PDZRN4: variants seen among roughly 807,000 people sequenced by gnomAD.
PDZRN4 encodes PDZ domain containing ring finger 4.
Under a neutral mutation model 99.0 loss-of-function variants are expected in PDZRN4, and 70 were observed. The ratio of observed to expected loss-of-function variants is 0.71; its 90% CI spans 0.58 to 0.86. The LOEUF is 0.86. Ranked by LOEUF, PDZRN4 falls within the 40% of genes least tolerant of loss-of-function variation. PDZRN4 has a pLI of 0.00. For missense variants in PDZRN4, 1,474 were observed against 1,331.2 expected (o/e 1.11, Z -1.67); for synonymous variants, 551 against 501.6 (o/e 1.10, Z -1.32).
chr12:41,255,362 G>A (rs528720723), intron 3 of PDZRN4, among the ~76,000 whole-genome samples: 8 of 152,296 alleles, frequency 5.3e-5, no homozygotes, highest in Admixed American at 4.6e-4. Context: ...GATCTAAACT[G>A]GGGCTGTTCA....
Position 41,454,744 on chromosome 12 carries a change from T to C in PDZRN4, c.844-51712T>C, listed in dbSNP as rs911051439. 3.3e-5 allele frequency among the ~76,000 whole-genome samples: 5 copies of C among 152,358 alleles called. No individual in the cohort carries two copies. In the South Asian group the frequency reaches 8.3e-4, roughly 25 times the overall value. On this transcript the variant is annotated intron_variant, in intron 3 of 9. Transcript: ENST00000402685. ...ACATTTTCAGCAATATTAGTGATCA[T>C]GTGCTATACAAATACTTGACCAACT...
chr12:41,309,885 G>A (rs1396950777), intron 3 of PDZRN4, among the ~76,000 whole-genome samples: 1 of 151,944 alleles, frequency 6.6e-6, no homozygotes, highest in Non-Finnish European at 1.5e-5. Context: ...GTTGTAGAAA[G>A]AAAAAGCAAG....
chr12:41,423,628 C>A (rs1178727399), intron 3 of PDZRN4, among the ~76,000 whole-genome samples: 1 of 152,138 alleles, frequency 6.6e-6, no homozygotes, highest in Non-Finnish European at 1.5e-5. Flanking sequence ...TGTTGCCCAA[C>A]TTCTGGTGTT....
chr12:41,351,829 TAGG>T (rs1305075245), intron 3 of PDZRN4, among the ~76,000 whole-genome samples: 1 of 151,808 alleles, frequency 6.6e-6, no homozygotes, highest in East Asian at 1.9e-4. Flanking sequence ...TGTATTGAAG[TAGG>T]AGAAGTATTT....
chr12:41,216,241 TA>T (rs1950920145), intron 3 of PDZRN4, among the ~76,000 whole-genome samples: 2 of 151,994 alleles, frequency 1.3e-5, no homozygotes, highest in South Asian at 4.2e-4. Context: ...ATGTTCTTGA[TA>T]ATGTTATATA....
chr12:41,222,185 A>G (rs1323921328), intron 3 of PDZRN4, among the ~76,000 whole-genome samples: 2 of 152,184 alleles, frequency 1.3e-5, no homozygotes, highest in African/African-American at 2.4e-5. Context: ...TTGTGTTTGC[A>G]TCATAGGCCA....
At position 41,246,459 on chromosome 12, in the gene PDZRN4, T is replaced by C. The variant is rs73268787; in HGVS notation, c.843+52271T>C. Among the ~76,000 whole-genome samples, 921 of 152,322 alleles carry C rather than the reference T, an allele frequency of 6.0e-3. 8 individuals are homozygous for C. The highest frequency in any genetic ancestry group is 0.021 in the African/African-American group (870 of 41,572). On this transcript the variant is annotated intron_variant, in intron 3 of 9. Transcript: ENST00000402685. The stretch of plus-strand genomic sequence containing the variant: ...ATTAATCTAAAAATATTCTTCTTGT[T>C]ATTGGGTTCTTTCATGTGCAGAGGA...
chr12:41,515,010 C>T (rs1022659148), intron 5 of PDZRN4, among the ~76,000 whole-genome samples: 3 of 151,930 alleles, frequency 2.0e-5, no homozygotes, highest in African/African-American at 7.3e-5. Flanking sequence ...CACTTGTACC[C>T]CCTTTATTAC....
chr12:41,439,958 G>A (rs1443632191), intron 3 of PDZRN4, among the ~76,000 whole-genome samples: 1 of 152,146 alleles, frequency 6.6e-6, no homozygotes, highest in African/African-American at 2.4e-5. Flanking sequence ...CCAGTGATAG[G>A]CTCATATAAT....
intron 3 of PDZRN4, among the ~76,000 whole-genome samples, chr12:41,275,475 T>A (rs1299852797): frequency 6.6e-6 from 1 of 152,114 alleles, no homozygotes; most frequent in Non-Finnish European, 1.5e-5. Context: ...TTGGCAGGAT[T>A]TTTGCAGTGG....
At chr12:41,342,611 G>A (rs1209536984) in intron 3 of PDZRN4, among the ~76,000 whole-genome samples, 9 of 151,584 alleles carry the variant, frequency 5.9e-5, no homozygotes, top group Admixed American at 5.9e-4. Context: ...TGAAGAAAAT[G>A]TTCAACATAA....
At chr12:41,384,504 G>A (rs960808614) in intron 3 of PDZRN4, among the ~76,000 whole-genome samples, 1 of 152,104 alleles carries the variant, frequency 6.6e-6, no homozygotes, top group East Asian at 1.9e-4. Context: ...ATTTTAAGTT[G>A]TTACAATCAG....
intron 3 of PDZRN4, among the ~76,000 whole-genome samples, chr12:41,323,545 G>A (rs757522320): frequency 2.6e-5 from 4 of 151,908 alleles, no homozygotes; most frequent in Non-Finnish European, 5.9e-5. Flanking sequence ...TTATTGTATT[G>A]TTCAGGCAAA....
At chr12:41,335,515 A>G (rs1951766834) in intron 3 of PDZRN4, among the ~76,000 whole-genome samples, 1 of 152,120 alleles carries the variant, frequency 6.6e-6, no homozygotes. Flanking sequence ...AAACTAATTA[A>G]TGGTGTCAGA....
chr12:41,507,820 A>G (rs1938234270), intron 4 of PDZRN4, among the ~76,000 whole-genome samples: 1 of 152,130 alleles, frequency 6.6e-6, no homozygotes, highest in Non-Finnish European at 1.5e-5. Context: ...TTTGTATCAG[A>G]CACAAATTGG....
chr12:41,227,264 T>A (rs1335513664), intron 3 of PDZRN4, among the ~76,000 whole-genome samples: 1 of 152,160 alleles, frequency 6.6e-6, no homozygotes, highest in Admixed American at 6.6e-5. Context: ...GTTCTGTTTA[T>A]CTTAAATCAA....
chr12:41,451,979 A>AGGAAATTCATAGATT (rs1394970378), intron 3 of PDZRN4, among the ~76,000 whole-genome samples: 2 of 152,224 alleles, frequency 1.3e-5, no homozygotes, highest in Non-Finnish European at 2.9e-5. Context: ...TTCATAGATC[A>AGGAAATTCATAGATT]CAGAAAATTC....
At chr12:41,567,301 G>A (rs544971695) in intron 8 of PDZRN4, among the ~76,000 whole-genome samples, 342 of 152,118 alleles carry the variant, frequency 2.2e-3, no homozygotes, top group Admixed American at 4.1e-3. Context: ...GTTGACATGG[G>A]AGCCCACCTA....
intron 3 of PDZRN4, among the ~76,000 whole-genome samples, chr12:41,464,924 A>C (rs1377162038): frequency 6.7e-6 from 1 of 148,938 alleles, no homozygotes; most frequent in East Asian, 2.0e-4. Flanking sequence ...TCCCAGGTTC[A>C]AGTGATTCTC....
Sources: allele counts gnomAD v4.1 joint callset (sites outside exome capture counted in the v4.1 genomes callset), GRCh38; gene constraint gnomAD v4.1.1; transcripts MANE v1.5; gene names NCBI Gene and HGNC (gene_info 2026-07-23, HGNC 2026-07-21).